Variants in SGCZ observed in about 807,000 individuals in gnomAD.
SGCZ encodes the protein sarcoglycan zeta, also known as zeta-sarcoglycan.
Under a neutral mutation model 41.3 loss-of-function variants are expected in SGCZ, and 40 were observed. The ratio of observed to expected loss-of-function variants is 0.97; its 90% confidence interval spans 0.75 to 1.26. The LOEUF is 1.26. Among genes scored for constraint, SGCZ ranks in the 50% most tolerant of loss-of-function variants. The pLI is 0.00. For missense variants in SGCZ, 552 were observed against 369.8 expected (o/e 1.49, Z -4.04); for synonymous variants, 206 against 137.5 (o/e 1.50, Z -3.49).
chr8:14,722,037 A>G (rs1200588853), intron 1 of SGCZ, among the ~76,000 whole-genome samples: 1 of 152,092 alleles, frequency 6.6e-6, no homozygotes, highest in Non-Finnish European at 1.5e-5. Flanking sequence ...TTTGAATGTC[A>G]TCTTCTCAGT....
At chr8:14,892,280 T>C (rs966675911) in intron 1 of SGCZ, among the ~76,000 whole-genome samples, 3 of 152,112 alleles carry the variant, frequency 2.0e-5, no homozygotes, top group African/African-American at 7.2e-5. Context: ...CTGCTGAGTG[T>C]AGGGGATATC....
At chr8:15,175,743 T>G (rs954512959) in intron 1 of SGCZ, among the ~76,000 whole-genome samples, 1 of 152,046 alleles carries the variant, frequency 6.6e-6, no homozygotes, top group Admixed American at 6.5e-5. Context: ...TAAAAAAAAT[T>G]TAGATGCAAC....
intron 1 of SGCZ, among the ~76,000 whole-genome samples, chr8:14,923,187 T>A (rs762943089): frequency 3.3e-5 from 5 of 152,188 alleles, no homozygotes; most frequent in Non-Finnish European, 7.3e-5. Context: ...GTTCCTCTAC[T>A]CTCACCAGCA....
chr8:14,411,125 G>A (rs192391177), intron 2 of SGCZ, among the ~76,000 whole-genome samples: 43 of 152,048 alleles, frequency 2.8e-4, no homozygotes, highest in East Asian at 3.9e-4. Flanking sequence ...CAACCAATGC[G>A]TTTTGTTTCT....
At chr8:14,868,492 G>C (rs1370025795) in intron 1 of SGCZ, among the ~76,000 whole-genome samples, 3 of 152,094 alleles carry the variant, frequency 2.0e-5, no homozygotes, top group African/African-American at 4.8e-5. Flanking sequence ...GTTATGAATA[G>C]AGAGCTTAGC....
At chr8:14,297,499 A>T (rs1801055180) in intron 3 of SGCZ, among the ~76,000 whole-genome samples, 2 of 151,906 alleles carry the variant, frequency 1.3e-5, no homozygotes, top group Admixed American at 1.3e-4. Context: ...ATTGATAAAA[A>T]CTCCCGTAGA....
chr8:14,494,420 A>T (rs1040732902), intron 2 of SGCZ, among the ~76,000 whole-genome samples: 1 of 152,162 alleles, frequency 6.6e-6, no homozygotes, highest in Admixed American at 6.5e-5. Context: ...TTTTATGATG[A>T]GAGAAGAAGA....
At chr8:14,770,709 T>C (rs1800208484) in intron 1 of SGCZ, among the ~76,000 whole-genome samples, 1 of 152,092 alleles carries the variant, frequency 6.6e-6, no homozygotes. Context: ...AAAGTGCTGT[T>C]GAAATGAAGA....
At chr8:14,618,491 C>G (rs1344955918) in intron 1 of SGCZ, among the ~76,000 whole-genome samples, 2 of 151,992 alleles carry the variant, frequency 1.3e-5, no homozygotes, top group African/African-American at 4.8e-5. Flanking sequence ...GCAAAGATGA[C>G]CAGATTGATT....
At chr8:14,983,542 G>T (rs1801738168) in intron 1 of SGCZ, among the ~76,000 whole-genome samples, 1 of 151,844 alleles carries the variant, frequency 6.6e-6, no homozygotes, top group Admixed American at 6.6e-5. Context: ...GTGGAGTTTT[G>T]CTAAGTTGCC....
At chr8:14,948,330 T>G (rs1800521190) in intron 1 of SGCZ, among the ~76,000 whole-genome samples, 1 of 152,084 alleles carries the variant, frequency 6.6e-6, no homozygotes, top group Non-Finnish European at 1.5e-5. Context: ...CCATAGGAAA[T>G]TTAATAATCA....
chr8:15,047,698 A>G (rs1001524858), intron 1 of SGCZ, among the ~76,000 whole-genome samples: 5 of 152,076 alleles, frequency 3.3e-5, no homozygotes, highest in African/African-American at 1.2e-4. Context: ...AGAACATTCT[A>G]TTATTATTGT....
Position 14,667,526 on chromosome 8 carries a change from T to A in SGCZ, c.40-112600A>T, listed in dbSNP as rs185148784. On this transcript the variant is annotated intron_variant, in intron 1 of 7. Transcript: ENST00000382080. ...CAACTGTTGCTCTTTAAAAATACAGTCATAAAATACTCTTATTCTACTTTA... is the reference window on the plus strand; with the variant it reads ...CAACTGTTGCTCTTTAAAAATACAGACATAAAATACTCTTATTCTACTTTA... Among the ~76,000 whole-genome samples the A allele has an allele frequency of 2.8e-4, 42 of 152,236 alleles. 1 individual carries two copies. In the East Asian group the frequency reaches 4.4e-3, roughly 16 times the overall value.
intron 3 of SGCZ, among the ~76,000 whole-genome samples, chr8:14,280,072 C>G (rs567603808): frequency 5.9e-5 from 9 of 151,758 alleles, no homozygotes; most frequent in Non-Finnish European, 1.3e-4. Context: ...GGATTTTGTT[C>G]AAATGGGATT....
intron 2 of SGCZ, among the ~76,000 whole-genome samples, chr8:14,547,243 A>G (rs1803657198): frequency 1.3e-5 from 2 of 152,304 alleles, no homozygotes; most frequent in South Asian, 4.1e-4. Context: ...ACAATTTGTA[A>G]GTATTACATT....
At chr8:14,258,129 T>C (rs968382160) in intron 3 of SGCZ, among the ~76,000 whole-genome samples, 71 of 152,292 alleles carry the variant, frequency 4.7e-4, no homozygotes, top group Non-Finnish European at 6.6e-4. Context: ...GAGATCACTT[T>C]ATGTTTTGGA....
intron 2 of SGCZ, among the ~76,000 whole-genome samples, chr8:14,450,665 C>G (rs1329971825): frequency 2.6e-5 from 4 of 152,096 alleles, no homozygotes; most frequent in Non-Finnish European, 5.9e-5. Flanking sequence ...TAAAACCATA[C>G]CATAGTGACC....
At chr8:14,511,914 T>G (rs1802478826) in intron 2 of SGCZ, among the ~76,000 whole-genome samples, 1 of 152,084 alleles carries the variant, frequency 6.6e-6, no homozygotes. Flanking sequence ...TTAGTAACAA[T>G]TTTTTAATTT....
chr8:14,823,385 A>G (rs1387732690), intron 1 of SGCZ, among the ~76,000 whole-genome samples: 1 of 152,182 alleles, frequency 6.6e-6, no homozygotes, highest in Non-Finnish European at 1.5e-5. Context: ...ACTCAACAAT[A>G]AAAAATAAAT....
Sources: allele counts gnomAD v4.1 joint callset (sites outside exome capture counted in the v4.1 genomes callset), GRCh38; gene constraint gnomAD v4.1.1; transcripts MANE v1.5; gene names NCBI Gene and HGNC (gene_info 2026-07-23, HGNC 2026-07-21).